Variants in KALRN observed in about 807,000 individuals in gnomAD.
KALRN encodes the protein kalirin RhoGEF kinase.
Under a neutral mutation model 353.7 loss-of-function variants are expected in KALRN, and 70 were observed. The ratio of observed to expected loss-of-function variants is 0.20; its 90% confidence interval spans 0.16 to 0.24. The LOEUF (loss-of-function observed/expected upper bound fraction) is 0.24. Among genes scored for constraint, KALRN ranks in the 10% least tolerant of loss-of-function variants. The pLI, the probability that KALRN is intolerant of heterozygous loss-of-function variation, is 1.00. For synonymous variants in KALRN, 1,391 were observed against 1,434.8 expected (o/e 0.97, Z 0.69); for missense variants, 2,791 against 3,756.7 (o/e 0.74, Z 6.72).
intron 37 of KALRN, among the ~76,000 whole-genome samples, chr3:124,646,275 G>A (rs892370883): frequency 2.0e-5 from 3 of 152,064 alleles, no homozygotes; most frequent in African/African-American, 4.8e-5. Flanking sequence ...TATGGAGCTC[G>A]CAGTCTCTAG....
In KALRN at chr3:124,369,749, G is replaced by A. The variant is rs1021683265; in HGVS notation, c.1771-15096G>A. The stretch of plus-strand genomic sequence containing the variant: ...TGGCCAACATCTCCCCAACTCCCCC[G>A]CCTCAAGACCCCCCACCTCACCACC... On this transcript the variant is annotated intron_variant, in intron 10 of 59. Transcript: ENST00000682506. Among the ~76,000 whole-genome samples the A allele has an allele frequency of 2.3e-4, 19 of 81,862 alleles. 1 individual carries two copies. The highest frequency in any genetic ancestry group is 6.1e-4 in the African/African-American group (13 of 21,244). 53.7% of individuals were successfully genotyped at this position (81,862 alleles called of 152,430 possible).
At chr3:124,409,962 T>C (rs1450279269) in intron 13 of KALRN, among the ~76,000 whole-genome samples, 1 of 152,012 alleles carries the variant, frequency 6.6e-6, no homozygotes, top group African/African-American at 2.4e-5. Flanking sequence ...AGGGCAGCCT[T>C]AGGAGGAGGC....
At chr3:124,421,307 A>G (rs902124884) in intron 14 of KALRN, among the ~76,000 whole-genome samples, 11 of 152,224 alleles carry the variant, frequency 7.2e-5, no homozygotes, top group Non-Finnish European at 1.5e-4. Context: ...CAAGTCGGAG[A>G]CAGTTAGAAA....
chr3:124,567,531 G>A lies in KALRN; in HGVS notation c.5182+4442G>A, dbSNP rs763432179. Reference sequence around the variant, plus strand: ...GGGCTGCCTTTCCTGCTACTTTACTGCCACTCTGACATCTTAGGGCTTCTC... The same window carrying A: ...GGGCTGCCTTTCCTGCTACTTTACTACCACTCTGACATCTTAGGGCTTCTC... On this transcript the variant is annotated intron_variant, in intron 34 of 59. Transcript: ENST00000682506. Among the ~76,000 whole-genome samples the A allele has an allele frequency of 3.3e-5, 5 of 152,150 alleles. No homozygotes were observed. The South Asian group carries it at 8.3e-4, about 25-fold the overall frequency.
At position 124,422,888 on chromosome 3, in the gene KALRN, G is replaced by C; in HGVS notation, c.2619G>C (p.Lys873Asn). 6.2e-7 allele frequency: 1 copy of C among 1,613,936 alleles called. No homozygotes were observed. The highest frequency in any genetic ancestry group is 8.5e-7 in the Non-Finnish European group (1 of 1,179,842). ...AGTTATTGGAATTTCTCCATGAGAA[G>C]CAGCATGAATTGGAGCTCAATGCAG... is the stretch of plus-strand genomic sequence containing the variant. ...VQELLEFLHE[K>N]QHELELNAEQ... The change falls in exon 15 of 60, where the codon AAG (lysine) becomes AAC (asparagine). Residue 873 changes from lysine (K) to asparagine (N), a missense_variant. Coordinates refer to ENST00000682506, the MANE Select transcript of KALRN (RefSeq NM_001388419.1).
Position 124,717,897 on chromosome 3 carries a change from C to T in KALRN, c.8415+512C>T, listed in dbSNP as rs138902315. ...TGCGATCTCGGCTCGCTGCAACCTC[C>T]GCCTCCCAGGTACCAGCGATTCTCC... On this transcript the variant is annotated intron_variant, in intron 59 of 59. Coordinates refer to ENST00000682506, the MANE Select transcript of KALRN (RefSeq NM_001388419.1). 5.2e-4 allele frequency among the ~76,000 whole-genome samples: 78 copies of T among 151,218 alleles called. No individual in the cohort carries two copies. The South Asian group carries it at 0.013, about 26-fold the overall frequency.
At chr3:124,136,241 G>A (rs1039808698) in intron 1 of KALRN, among the ~76,000 whole-genome samples, 3 of 152,030 alleles carry the variant, frequency 2.0e-5, no homozygotes, top group Admixed American at 6.6e-5. Flanking sequence ...TAAGTCAGTG[G>A]AACTCAAACT....
At chr3:124,494,336 A>G (rs928860164) in intron 32 of KALRN, among the ~76,000 whole-genome samples, 4 of 152,322 alleles carry the variant, frequency 2.6e-5, no homozygotes, top group Middle Eastern at 3.4e-3. Context: ...TACTACCCAC[A>G]GTCCTAGGTG....
intron 1 of KALRN, among the ~76,000 whole-genome samples, chr3:124,126,520 G>C (rs992485765): frequency 1.3e-5 from 2 of 152,152 alleles, no homozygotes; most frequent in Non-Finnish European, 2.9e-5. Context: ...CTCCTTTGGG[G>C]TGATTTGCCT....
chr3:124,315,849 A>G (rs1424115723), intron 6 of KALRN, among the ~76,000 whole-genome samples: 1 of 152,136 alleles, frequency 6.6e-6, no homozygotes, highest in Non-Finnish European at 1.5e-5. Flanking sequence ...AGATATGCAC[A>G]TGAGAAGTCT....
chr3:124,209,641 C>G (rs754846331), intron 1 of KALRN, among the ~76,000 whole-genome samples: 3 of 151,868 alleles, frequency 2.0e-5, no homozygotes, highest in Non-Finnish European at 4.4e-5. Context: ...AGAGAAACCA[C>G]TAAGAAATTA....
chr3:124,592,747 TA>T (rs766584983), intron 34 of KALRN, among the ~76,000 whole-genome samples: 2 of 152,340 alleles, frequency 1.3e-5, no homozygotes, highest in Admixed American at 6.5e-5. Flanking sequence ...CTGCCTGCTG[TA>T]ATCAATGACT....
intron 6 of KALRN, among the ~76,000 whole-genome samples, chr3:124,313,504 T>G (rs1014032555): frequency 6.6e-6 from 1 of 152,232 alleles, no homozygotes; most frequent in African/African-American, 2.4e-5. Context: ...GATTTTATTT[T>G]CTGATCTGCT....
intron 6 of KALRN, among the ~76,000 whole-genome samples, chr3:124,303,508 T>G (rs1190581094): frequency 6.6e-6 from 1 of 152,150 alleles, no homozygotes; most frequent in Non-Finnish European, 1.5e-5. Flanking sequence ...GGAAGTGAAG[T>G]TGGGTGGTAA....
chr3:124,694,376 C>T lies in KALRN; in HGVS notation c.7450C>T (p.Leu2484Phe), dbSNP rs775758176. ...LVPLVDVTCL[L>F]GDTVILQCKV... ...GCCCTTGGTGGATGTGACCTGCTTG[C>T]TTGGGGACACAGTGATACTGCAGTG... The change falls in exon 53 of 60, where the codon CTT becomes TTT. Residue 2484 changes from leucine (L) to phenylalanine (F), a missense_variant. Leu to Phe is a conservative substitution (Grantham distance 22). Coordinates refer to ENST00000682506, the MANE Select transcript of KALRN (RefSeq NM_001388419.1). The T allele has an allele frequency of 8.7e-6, 14 of 1,614,054 alleles. No individual in the cohort carries two copies. Among genetic ancestry groups the T allele is most frequent in the African/African-American group, 1.3e-5 (1 of 74,936 alleles).
intron 50 of KALRN, chr3:124,678,650 C>T (rs111905990): frequency 5.1e-6 from 1 of 196,638 alleles, no homozygotes; most frequent in Non-Finnish European, 1.1e-5. Flanking sequence ...ATTTGGTACC[C>T]TAGGTTTGAG....
At chr3:124,221,844 C>T (rs574363633) in intron 1 of KALRN, among the ~76,000 whole-genome samples, 1 of 152,256 alleles carries the variant, frequency 6.6e-6, no homozygotes, top group Admixed American at 6.5e-5. Flanking sequence ...GAAATGGACA[C>T]TCGGTATTTT....
intron 4 of KALRN, 155 bp from the exon 5 acceptor site, chr3:124,268,588 C>T (rs2073831981): frequency 2.8e-6 from 2 of 715,216 alleles, no homozygotes; most frequent in African/African-American, 3.5e-5. Flanking sequence ...ATCTGTGACT[C>T]CTGACCAGTG....
Position 124,656,588 on chromosome 3 carries a change from G to A in KALRN, c.5863-860G>A, listed in dbSNP as rs137922596. 7.7e-3 allele frequency among the ~76,000 whole-genome samples: 1,169 copies of A among 152,220 alleles called. 14 individuals carry two copies. Among genetic ancestry groups the A allele is most frequent in the African/African-American group, 0.025 (1,034 of 41,520 alleles). On this transcript the variant is annotated intron_variant, in intron 39 of 59. Coordinates refer to ENST00000682506, the MANE Select transcript of KALRN (RefSeq NM_001388419.1). ...ATCGCGCCACCGCACTCCAGCCTGG[G>A]CGACAGAGCAAGACTCCATCTCAAA...
Sources: allele counts gnomAD v4.1 joint callset (sites outside exome capture counted in the v4.1 genomes callset), GRCh38; gene constraint gnomAD v4.1.1; transcripts MANE v1.5; gene names NCBI Gene and HGNC (gene_info 2026-07-23, HGNC 2026-07-21).